The following IQCJ variants were observed in gnomAD, a reference collection of about 807,000 sequenced individuals.
The protein encoded by IQCJ is IQ motif containing J.
In IQCJ, 9 loss-of-function variants were observed where a neutral mutation model predicts 11.0. The ratio of observed to expected loss-of-function variants is 0.82; its 90% CI spans 0.49 to 1.43. The LOEUF is 1.43. IQCJ is among the 40% of genes most tolerant of loss of function. IQCJ has a pLI of 0.00. For synonymous variants in IQCJ, 55 were observed against 51.3 expected, an observed-to-expected ratio of 1.07 and a Z score of -0.31; for missense variants, 146 against 133.2, an observed-to-expected ratio of 1.10 and a Z score of -0.47.
chr3:159,124,891 A>G (rs1030039777), intron 1 of IQCJ, among the ~76,000 whole-genome samples: 1 of 152,226 alleles, frequency 6.6e-6, no homozygotes, highest in South Asian at 2.1e-4. Context: ...TGTTCCAGAC[A>G]CTATGCTAAG....
At chr3:159,069,953 C>T (rs1324163735) in intron 1 of IQCJ, 5 of 251,256 alleles carry the variant, frequency 2.0e-5, no homozygotes, top group East Asian at 9.4e-5. Context: ...TGCTGCTGCA[C>T]GAGAATTTCT....
At chr3:159,108,312 A>C (rs141556631) in intron 1 of IQCJ, among the ~76,000 whole-genome samples, 191 of 152,226 alleles carry the variant, frequency 1.3e-3, no homozygotes, top group African/African-American at 4.5e-3. Flanking sequence ...TTTGTTAATC[A>C]TTCGTTCCTT....
In IQCJ at chr3:159,108,101, C is replaced by T. The variant is rs1231100911; in HGVS notation, c.9+38660C>T. On this transcript the variant is annotated intron_variant, in intron 1 of 3. Coordinates refer to ENST00000397832, the MANE Select transcript of IQCJ (RefSeq NM_001042706.3). ...AGGGTTGGCAGAGAGGATATTACTC[C>T]CTAGTTCAGGTTAGTGAAAAGAGAA... Among the ~76,000 whole-genome samples the T allele has an allele frequency of 2.0e-5, 3 of 151,906 alleles. No individual in the cohort carries two copies. The East Asian group carries it at 5.8e-4, about 29-fold the overall frequency.
At chr3:159,110,222 T>C (rs1718539088) in intron 1 of IQCJ, among the ~76,000 whole-genome samples, 1 of 152,166 alleles carries the variant, frequency 6.6e-6, no homozygotes, top group Non-Finnish European at 1.5e-5. Flanking sequence ...TATCTAAGGT[T>C]TACATTTCTT....
chr3:159,224,928 T>C (rs1725762542), intron 1 of IQCJ, among the ~76,000 whole-genome samples: 2 of 152,162 alleles, frequency 1.3e-5, no homozygotes, highest in African/African-American at 4.8e-5. Context: ...GATTAACCCA[T>C]GTATTGCTCA....
intron 1 of IQCJ, among the ~76,000 whole-genome samples, chr3:159,163,462 G>A (rs184034106): frequency 1.7e-3 from 258 of 152,250 alleles, no homozygotes; most frequent in Middle Eastern, 0.01. Context: ...CCCACAGCCA[G>A]TATCATACTG....
intron 1 of IQCJ, among the ~76,000 whole-genome samples, chr3:159,195,366 G>C (rs1723923948): frequency 6.6e-6 from 1 of 152,160 alleles, no homozygotes; most frequent in Admixed American, 6.5e-5. Context: ...GCCAAGAGAG[G>C]AGATGGGGGT....
intron 1 of IQCJ, among the ~76,000 whole-genome samples, chr3:159,119,275 T>C (rs1205144273): frequency 6.6e-6 from 1 of 152,210 alleles, no homozygotes; most frequent in African/African-American, 2.4e-5. Flanking sequence ...CATAACTCCT[T>C]GTAAATGGTA....
At chr3:159,153,488 C>T (rs1721345253) in intron 1 of IQCJ, among the ~76,000 whole-genome samples, 1 of 152,174 alleles carries the variant, frequency 6.6e-6, no homozygotes, top group Admixed American at 6.5e-5. Flanking sequence ...TTTCTTCATT[C>T]AACAAGTATT....
intron 1 of IQCJ, among the ~76,000 whole-genome samples, chr3:159,187,224 A>C (rs1053336448): frequency 4.6e-5 from 7 of 152,208 alleles, no homozygotes; most frequent in Non-Finnish European, 8.8e-5. Flanking sequence ...ACAGAGAGAA[A>C]AGGCTATTGC....
At chr3:159,222,778 T>C (rs1725626151) in intron 1 of IQCJ, among the ~76,000 whole-genome samples, 1 of 152,128 alleles carries the variant, frequency 6.6e-6, no homozygotes, top group Non-Finnish European at 1.5e-5. Context: ...CATTTCACTA[T>C]GGATATGTAA....
intron 1 of IQCJ, among the ~76,000 whole-genome samples, chr3:159,165,753 A>G (rs1010729617): frequency 1.3e-5 from 2 of 148,482 alleles, no homozygotes; most frequent in Non-Finnish European, 3.0e-5. Flanking sequence ...AGCTGGGACT[A>G]CAGGCATGTG....
chr3:159,153,183 A>C (rs1721326104), intron 1 of IQCJ, among the ~76,000 whole-genome samples: 1 of 152,220 alleles, frequency 6.6e-6, no homozygotes, highest in Admixed American at 6.5e-5. Context: ...ATTATGTAGA[A>C]TTATATTAAT....
intron 1 of IQCJ, among the ~76,000 whole-genome samples, chr3:159,091,514 C>T (rs1717281376): frequency 6.6e-6 from 1 of 151,678 alleles, no homozygotes; most frequent in South Asian, 2.1e-4. Context: ...CCAAAGACTG[C>T]ACTTTCTAAT....
intron 1 of IQCJ, among the ~76,000 whole-genome samples, chr3:159,207,853 T>C (rs1724741792): frequency 6.6e-6 from 1 of 152,220 alleles, no homozygotes; most frequent in South Asian, 2.1e-4. Flanking sequence ...ATTACGCTGA[T>C]TTTTCCAGTT....
intron 1 of IQCJ, chr3:159,069,783 C>T (rs1475696730): frequency 7.9e-6 from 4 of 503,208 alleles, no homozygotes; most frequent in African/African-American, 1.9e-5. Flanking sequence ...AGGAAAAATA[C>T]ATTTTTCACA....
chr3:159,201,511 C>CTG (rs59855853), intron 1 of IQCJ, among the ~76,000 whole-genome samples: 27,235 of 148,992 alleles, frequency 0.18, 2,502 homozygotes, highest in Admixed American at 0.22. Flanking sequence ...TTGTGTATCT[C>CTG]TGTGTGTGTG....
At chr3:159,176,849 A>G (rs1411523226) in intron 1 of IQCJ, among the ~76,000 whole-genome samples, 1 of 152,200 alleles carries the variant, frequency 6.6e-6, no homozygotes, top group Non-Finnish European at 1.5e-5. Flanking sequence ...TCTAGAGAAA[A>G]GGCAAACTTT....
chr3:159,252,767 T>C lies in IQCJ; in HGVS notation c.115T>C (p.Tyr39His), dbSNP rs2108214893. 6.2e-7 allele frequency: 1 copy of C among 1,612,802 alleles called. No homozygotes were observed. The highest frequency in any genetic ancestry group is 1.3e-5 in the African/African-American group (1 of 75,018). The change falls in exon 3 of 4, where the codon TAT (tyrosine) becomes CAT (histidine). Residue 39 changes from tyrosine (Y) to histidine (H), a missense_variant. Physicochemically the swap from Tyr to His is moderately conservative, Grantham distance 83. Coordinates refer to ENST00000397832, the MANE Select transcript of IQCJ (RefSeq NM_001042706.3). Reference sequence around the variant, plus strand: ...GGATGCAGAGAATAATATTGAAAAGTATCCCCTCAATCTACAGCCCTTGGA... The same window carrying C: ...GGATGCAGAGAATAATATTGAAAAGCATCCCCTCAATCTACAGCCCTTGGA... ...AMDAENNIEK[Y>H]PLNLQPLESK... is the part of the protein sequence containing the mutation.
Sources: gnomAD v4.1 joint callset for allele counts (sites outside exome capture counted in the v4.1 genomes callset) on GRCh38, gnomAD v4.1.1 for gene constraint, MANE v1.5 for transcripts, NCBI Gene and HGNC (gene_info 2026-07-23, HGNC 2026-07-21) for gene names.